Variants in PDCD11 observed in about 807,000 individuals in gnomAD.
PDCD11 encodes protein RRP5 homolog.
Under a neutral mutation model 198.9 loss-of-function variants are expected in PDCD11, and 97 were observed. The observed-to-expected ratio is 0.49, with a 90% CI of 0.41 to 0.58. The LOEUF is 0.58. PDCD11 is among the 20% of genes least tolerant of loss of function. PDCD11 has a pLI of 0.00. For synonymous variants in PDCD11, 893 were observed against 918.0 expected (o/e 0.97, Z 0.49); for missense variants, 2,102 against 2,312.7 (o/e 0.91, Z 1.87).
chr10:103,439,056 G>T (rs1161162725), intron 27 of PDCD11, among the ~76,000 whole-genome samples: 2 of 152,162 alleles, frequency 1.3e-5, no homozygotes, highest in Admixed American at 1.3e-4. Flanking sequence ...TAAGTCTGGG[G>T]CCGGGCGTGG....
chr10:103,413,894 T>C (rs2030946406), intron 9 of PDCD11, 72 bp from the exon 10 acceptor site: 3 of 1,438,728 alleles, frequency 2.1e-6, no homozygotes, highest in Non-Finnish European at 2.8e-6. Flanking sequence ...GAGTCCTCTC[T>C]ATGGGCTGTA....
intron 2 of PDCD11, chr10:103,399,515 T>G (rs1428247545): frequency 6.6e-6 from 1 of 152,202 alleles, no homozygotes; most frequent in Non-Finnish European, 1.5e-5. Flanking sequence ...TGACTGATCA[T>G]TGCATTTTTA....
chr10:103,409,838 T>G (rs769554942), intron 8 of PDCD11, 32 bp downstream of exon 8: 1 of 1,527,718 alleles, frequency 6.5e-7, no homozygotes, highest in African/African-American at 1.4e-5. Context: ...TTTTCTTGAT[T>G]CCAGTTGTGG....
At chr10:103,415,794 C>T (rs1212575465) in intron 12 of PDCD11, among the ~76,000 whole-genome samples, 3 of 152,134 alleles carry the variant, frequency 2.0e-5, no homozygotes, top group African/African-American at 4.8e-5. Flanking sequence ...ACAGAAATAG[C>T]CCTGGCAAAG....
At position 103,398,438 on chromosome 10, in the gene PDCD11, G is replaced by A. The variant is rs758435054; in HGVS notation, c.12G>A (p.Leu4=). Residue 4 remains leucine (L), a synonymous_variant, in exon 2 of 36, where the codon CTG becomes CTA. Coordinates refer to ENST00000369797, the MANE Select transcript of PDCD11 (RefSeq NM_014976.2). ...TAGGAGACCCAAACATGGCAAACCTGGAAGAAAGCTTCCCCCGAGGAGGTA... is the reference window on the plus strand; with the variant it reads ...TAGGAGACCCAAACATGGCAAACCTAGAAGAAAGCTTCCCCCGAGGAGGTA... MAN[L]EESFPRGGTR... The A allele has an allele frequency of 1.2e-6, 2 of 1,613,290 alleles. No homozygotes were observed. The highest frequency in any genetic ancestry group is 1.7e-5 in the Admixed American group (1 of 60,014).
intron 4 of PDCD11, 136 bp from the exon 5 acceptor site, chr10:103,404,886 A>T (rs1046792477): frequency 1.2e-5 from 8 of 683,912 alleles, no homozygotes; most frequent in African/African-American, 1.8e-5. Flanking sequence ...TCCTTTGTGG[A>T]TGGGGGGTTA....
intron 15 of PDCD11, 118 bp downstream of exon 15, chr10:103,418,752 A>C: frequency 1.3e-6 from 1 of 798,176 alleles, no homozygotes; most frequent in Admixed American, 2.6e-5. Context: ...ACAAAACCAA[A>C]CCAGTGATGA....
chr10:103,437,550 C>T (rs1022243093), intron 25 of PDCD11, among the ~76,000 whole-genome samples: 24 of 151,976 alleles, frequency 1.6e-4, no homozygotes, highest in African/African-American at 4.8e-4. Flanking sequence ...TGCAGTGGCA[C>T]GATCTCGGCT....
At chr10:103,435,021 A>G (rs752449675) in intron 25 of PDCD11, 46 bp downstream of exon 25, 2 of 1,335,506 alleles carry the variant, frequency 1.5e-6, no homozygotes, top group Admixed American at 2.9e-5. Flanking sequence ...TGGAATTGGT[A>G]TATTTAAAAA....
intron 16 of PDCD11, among the ~76,000 whole-genome samples, chr10:103,420,780 G>A (rs1249544444): frequency 6.6e-6 from 1 of 152,184 alleles, no homozygotes; most frequent in African/African-American, 2.4e-5. Flanking sequence ...GGTGAGGACA[G>A]CCCTGGTGTC....
chr10:103,414,054 G>C lies in PDCD11; in HGVS notation c.1274G>C (p.Ser425Thr), dbSNP rs768975390. 1 of 1,613,436 alleles carries C rather than the reference G, an allele frequency of 6.2e-7. No homozygotes were observed. Among genetic ancestry groups the C allele is most frequent in the Non-Finnish European group, 8.5e-7 (1 of 1,179,866 alleles). The change falls in exon 10 of 36, where the codon AGC becomes ACC. Residue 425 changes from serine to threonine, a missense_variant. By Grantham distance (58) the Ser-to-Thr change is moderately conservative. Coordinates refer to ENST00000369797, the MANE Select transcript of PDCD11 (RefSeq NM_014976.2). ...CACAAGTGTAGAATTATTGACTACA[G>C]CCAAATGGATGAACTGGCCTTGCTC... ...NTHKCRIIDY[S>T]QMDELALLSL...
chr10:103,442,561 T>G (rs1536225), intron 32 of PDCD11, 101 bp downstream of exon 32: 501,799 of 1,396,096 alleles, frequency 0.36, 93,933 homozygotes, highest in South Asian at 0.49. Context: ...CGGCAGCATT[T>G]TGGGTGGCTG....
rs374816080 is a variant in PDCD11, at chr10:103,413,096, C to T, written c.979-20C>T. 3 of 1,607,258 alleles carry T rather than the reference C, an allele frequency of 1.9e-6. No homozygotes were observed. The Admixed American group carries it at 5.0e-5, about 27-fold the overall frequency. On this transcript the variant is annotated intron_variant, in intron 8 of 35. Transcript: ENST00000369797. ...TCCTGTGTGCCTCCTCCTGCTCACC[C>T]TGCCCTTCCTTTTGTCTAGGTGAGG... is the stretch of plus-strand genomic sequence containing the variant.
Position 103,418,017 on chromosome 10 carries a change from C to G in PDCD11, c.1911+85C>G, listed in dbSNP as rs984108408. The G allele has an allele frequency of 1.4e-5, 20 of 1,469,140 alleles. No individual in the cohort carries two copies. In the East Asian group the frequency reaches 3.6e-4, roughly 27 times the overall value. 91.0% of individuals were successfully genotyped at this position (1,469,140 alleles called of 1,614,324 possible). On this transcript the variant is annotated intron_variant, in intron 14 of 35. Coordinates refer to ENST00000369797, the MANE Select transcript of PDCD11 (RefSeq NM_014976.2). ...CTAACACATGGCATATTGGAACCCA[C>G]GAAGCGGAAAGATAGAGGTAGCTAG...
At chr10:103,419,787 G>A in intron 16 of PDCD11, 79 bp downstream of exon 16, 2 of 1,305,554 alleles carry the variant, frequency 1.5e-6, no homozygotes, top group South Asian at 1.4e-5. Context: ...GGAGGAGTAG[G>A]ATACTTTATT....
intron 5 of PDCD11, chr10:103,405,404 A>G (rs2030385607): frequency 5.0e-6 from 2 of 399,198 alleles, no homozygotes; most frequent in South Asian, 4.2e-5. Context: ...AGCAAGTCCA[A>G]ATTTCTTTTT....
intron 7 of PDCD11, 65 bp downstream of exon 7, chr10:103,406,855 T>C (rs1337430323): frequency 9.8e-6 from 13 of 1,325,726 alleles, no homozygotes; most frequent in African/African-American, 1.5e-5. Flanking sequence ...ATTAAATGCA[T>C]AAAGTCTAAA....
chr10:103,445,295 C>A, intron 35 of PDCD11, 83 bp from the exon 36 acceptor site: 3 of 1,325,412 alleles, frequency 2.3e-6, no homozygotes, highest in Non-Finnish European at 3.2e-6. Flanking sequence ...GGTTCCAGGG[C>A]TGAGAGCAAG....
At chr10:103,444,119 A>G (rs774297223) in intron 34 of PDCD11, 51 bp downstream of exon 34, 1 of 1,519,078 alleles carries the variant, frequency 6.6e-7, no homozygotes, top group South Asian at 1.2e-5. Flanking sequence ...AGGATCGGGG[A>G]GTAGGAACTG....
Sources: allele counts gnomAD v4.1 joint callset (sites outside exome capture counted in the v4.1 genomes callset), GRCh38; gene constraint gnomAD v4.1.1; transcripts MANE v1.5; gene names NCBI Gene and HGNC (gene_info 2026-07-23, HGNC 2026-07-21).